The following CFAP61 variants were observed in gnomAD, a reference collection of about 807,000 sequenced individuals.
The protein encoded by CFAP61 is cilia- and flagella-associated protein 61.
Under a neutral mutation model 135.6 loss-of-function variants are expected in CFAP61, and 107 were observed. The observed-to-expected ratio is 0.79, with a 90% CI of 0.67 to 0.93. The LOEUF (loss-of-function observed/expected upper bound fraction) is 0.93. Among genes scored for constraint, CFAP61 ranks in the 40% least tolerant of loss-of-function variants. The pLI, the probability that CFAP61 is intolerant of heterozygous loss-of-function variation, is 0.00. For missense variants in CFAP61, 1,507 were observed against 1,556.2 expected (o/e 0.97, Z 0.53); for synonymous variants, 575 against 578.5 (o/e 0.99, Z 0.09).
intron 6 of CFAP61, chr20:20,085,012 T>C (rs2046695720): frequency 1.6e-6 from 1 of 618,048 alleles, no homozygotes; most frequent in South Asian, 7.1e-5. Context: ...ACAAGCACAT[T>C]GCTGCCCCCT....
rs890390299 is a variant in CFAP61 at position 20,294,929 on chromosome 20, C to T, written c.3217-3252C>T. Among the ~76,000 whole-genome samples the T allele has an allele frequency of 1.4e-4, 18 of 124,678 alleles. No homozygotes were observed. The East Asian group carries it at 1.6e-3, about 11-fold the overall frequency. 81.8% of individuals were successfully genotyped at this position (124,678 alleles called of 152,430 possible). On this transcript the variant is annotated intron_variant, in intron 24 of 26. Coordinates refer to ENST00000245957, the MANE Select transcript of CFAP61 (RefSeq NM_015585.4). The stretch of plus-strand genomic sequence containing the variant: ...CGGCCTGGGCGACAGAGCGAGACTC[C>T]GTCTCAAAAATAATAATAATAATAA...
intron 2 of CFAP61, among the ~76,000 whole-genome samples, chr20:20,065,911 A>G (rs1282816368): frequency 6.6e-6 from 1 of 152,192 alleles, no homozygotes; most frequent in Non-Finnish European, 1.5e-5. Context: ...TTGTTAAATC[A>G]AGCAGAAAAA....
chr20:20,251,936 T>G lies in CFAP61; in HGVS notation c.2328+173T>G, dbSNP rs1037022264. Among the ~76,000 whole-genome samples, 3 of 152,236 alleles carry G rather than the reference T, an allele frequency of 2.0e-5. No individual in the cohort carries two copies. In the East Asian group the frequency reaches 5.8e-4, roughly 29 times the overall value. On this transcript the variant is annotated intron_variant, in intron 20 of 26. Transcript: ENST00000245957. ...GGGCCCGCACACATAACCAGAATTA[T>G]GTCCGCAAACCCTCCCAGAAACCCA...
rs144656676 is a variant in CFAP61, at chr20:20,192,207, ATGT to A, written c.1590+803_1590+805del. 3.7e-4 allele frequency among the ~76,000 whole-genome samples: 57 copies of A among 152,002 alleles called. No homozygotes were observed. In the East Asian group the frequency reaches 8.9e-3, roughly 24 times the overall value. The stretch of plus-strand genomic sequence containing the variant: ...TTAGGATCATGGATCATGGCTTTCT[ATGT>A]TGTTGTTGTTGTTGAACTTTTTGGG... On this transcript the variant is annotated intron_variant, in intron 15 of 26. Transcript: ENST00000245957.
At chr20:20,115,013 A>G (rs4814940) in intron 8 of CFAP61, among the ~76,000 whole-genome samples, 2 of 152,142 alleles carry the variant, frequency 1.3e-5, no homozygotes. Flanking sequence ...ATTCTGTTGA[A>G]GAGATGAATT....
chr20:20,191,061 C>T (rs939523673), intron 14 of CFAP61, among the ~76,000 whole-genome samples: 11 of 151,914 alleles, frequency 7.2e-5, no homozygotes, highest in African/African-American at 1.9e-4. Context: ...TGCAGTGAGC[C>T]GAGATCATGC....
At chr20:20,225,845 C>T (rs963501692) in intron 17 of CFAP61, among the ~76,000 whole-genome samples, 14 of 152,134 alleles carry the variant, frequency 9.2e-5, no homozygotes, top group African/African-American at 3.1e-4. Flanking sequence ...TTGCTGTCAG[C>T]CTGCCTGTCT....
intron 9 of CFAP61, among the ~76,000 whole-genome samples, chr20:20,145,890 ATTATAG>A (rs1346519863): frequency 1.3e-5 from 2 of 152,258 alleles, no homozygotes; most frequent in East Asian, 3.8e-4. Context: ...ATCAATAAAA[ATTATAG>A]TTAGAGATTT....
chr20:20,266,817 G>A (rs1482362255), intron 21 of CFAP61, among the ~76,000 whole-genome samples: 1 of 152,172 alleles, frequency 6.6e-6, no homozygotes, highest in African/African-American at 2.4e-5. Context: ...TAACTGCTTT[G>A]TGTCTCAGAT....
intron 8 of CFAP61, among the ~76,000 whole-genome samples, chr20:20,131,071 T>C (rs534055301): frequency 4.0e-5 from 6 of 151,872 alleles, no homozygotes; most frequent in Admixed American, 1.3e-4. Context: ...ACTGGGCAGA[T>C]TGGGGGAAAG....
At chr20:20,338,713 A>G (rs2058330889) in intron 25 of CFAP61, among the ~76,000 whole-genome samples, 1 of 152,160 alleles carries the variant, frequency 6.6e-6, no homozygotes, top group South Asian at 2.1e-4. Flanking sequence ...CCAGTGTGTT[A>G]TGTTGATCAG....
chr20:20,200,422 AG>A (rs2056556733), intron 17 of CFAP61, among the ~76,000 whole-genome samples: 1 of 152,234 alleles, frequency 6.6e-6, no homozygotes, highest in South Asian at 2.1e-4. Context: ...CTGGGGCAGC[AG>A]GAGTTTCTGA....
At chr20:20,072,722 G>A (rs868310026) in intron 3 of CFAP61, among the ~76,000 whole-genome samples, 2 of 152,044 alleles carry the variant, frequency 1.3e-5, no homozygotes, top group Non-Finnish European at 2.9e-5. Flanking sequence ...TGTAACTAAC[G>A]AGCGCTTGAA....
intron 11 of CFAP61, 27 bp downstream of exon 11, chr20:20,164,255 T>G (rs1291412853): frequency 1.9e-6 from 3 of 1,580,872 alleles, no homozygotes; most frequent in Non-Finnish European, 8.6e-7. Flanking sequence ...TGGCTGGCTG[T>G]CACAGTGAGA....
At chr20:20,189,328 A>G (rs1162149599) in intron 14 of CFAP61, among the ~76,000 whole-genome samples, 1 of 152,154 alleles carries the variant, frequency 6.6e-6, no homozygotes, top group African/African-American at 2.4e-5. Flanking sequence ...TCTAAGTGGT[A>G]TGAGGTCAAG....
At chr20:20,097,916 G>C (rs773503792) in intron 7 of CFAP61, among the ~76,000 whole-genome samples, 8 of 152,178 alleles carry the variant, frequency 5.3e-5, no homozygotes, top group Non-Finnish European at 1.5e-5. Flanking sequence ...TGTACTGGGG[G>C]CTGATCAGAT....
intron 8 of CFAP61, among the ~76,000 whole-genome samples, chr20:20,114,513 CTAGATATT>C (rs2049006781): frequency 6.6e-6 from 1 of 151,940 alleles, no homozygotes; most frequent in Non-Finnish European, 1.5e-5. Context: ...AGATTTATTC[CTAGATATT>C]TGATATTTTT....
intron 6 of CFAP61, among the ~76,000 whole-genome samples, chr20:20,083,124 A>G: frequency 6.6e-6 from 1 of 152,330 alleles, no homozygotes; most frequent in South Asian, 2.1e-4. Context: ...GGTTAAAGGA[A>G]ATGTGATATT....
At chr20:20,071,953 A>T (rs554620779) in intron 3 of CFAP61, among the ~76,000 whole-genome samples, 1 of 152,110 alleles carries the variant, frequency 6.6e-6, no homozygotes, top group African/African-American at 2.4e-5. Context: ...CTGTTTTACA[A>T]TTCTGTAGGA....
Sources: allele counts gnomAD v4.1 joint callset (sites outside exome capture counted in the v4.1 genomes callset), GRCh38; gene constraint gnomAD v4.1.1; transcripts MANE v1.5; gene names NCBI Gene and HGNC (gene_info 2026-07-23, HGNC 2026-07-21).